The following NECAB2 variants were observed in gnomAD, a reference collection of about 807,000 sequenced individuals.
The protein encoded by NECAB2 is N-terminal EF-hand calcium binding protein 2, also known as N-terminal EF-hand calcium-binding protein 2.
In NECAB2, 68 loss-of-function variants were observed where a neutral mutation model predicts 51.9. The ratio of observed to expected loss-of-function variants is 1.31; its 90% confidence interval spans 1.08 to 1.60. The LOEUF is 1.60. Among genes scored for constraint, NECAB2 ranks in the 40% most tolerant of loss-of-function variants. The probability of loss-of-function intolerance (pLI) is 0.00; values close to 1 mark genes in which losing one functional copy is unlikely to be tolerated. For synonymous variants in NECAB2, 329 were observed against 203.5 expected (o/e 1.62, Z -5.25); for missense variants, 854 against 490.3 (o/e 1.74, Z -7.00).
chr16:83,988,816 C>G (rs1244747416), intron 5 of NECAB2, among the ~76,000 whole-genome samples: 2 of 139,696 alleles, frequency 1.4e-5, no homozygotes, highest in African/African-American at 6.7e-5. Context: ...GGTCTCTTGT[C>G]TGAGGCAAGC....
intron 11 of NECAB2, among the ~76,000 whole-genome samples, chr16:84,001,390 G>C (rs148784933): frequency 1.2e-4 from 18 of 152,248 alleles, no homozygotes; most frequent in Admixed American, 3.3e-4. Flanking sequence ...CTCACGGTTT[G>C]CTGACAAACT....
intron 10 of NECAB2, among the ~76,000 whole-genome samples, chr16:83,998,920 G>A (rs1261943496): frequency 2.0e-5 from 3 of 152,238 alleles, no homozygotes; most frequent in Admixed American, 2.0e-4. Flanking sequence ...GCCAGGGCCA[G>A]AGTGGAGGGG....
intron 3 of NECAB2, 126 bp downstream of exon 3, chr16:83,978,678 A>T: frequency 2.6e-6 from 2 of 764,050 alleles, no homozygotes; most frequent in Non-Finnish European, 4.3e-6. Flanking sequence ...CAAATTTGCT[A>T]ATCCAGAAGT....
intron 1 of NECAB2, among the ~76,000 whole-genome samples, 158 bp downstream of exon 1, chr16:83,969,007 C>A (rs1198156392): frequency 6.6e-6 from 1 of 151,352 alleles, no homozygotes; most frequent in East Asian, 2.0e-4. Flanking sequence ...GAGCCCCCAG[C>A]CCCGCCACGT....
chr16:84,002,277 C>G (rs767067315), intron 12 of NECAB2, 41 bp from the exon 13 acceptor site: 2 of 1,611,588 alleles, frequency 1.2e-6, no homozygotes, highest in African/African-American at 2.7e-5. Context: ...AGGCTGCCCA[C>G]ATTCGCACTC....
In NECAB2 at chr16:83,994,290, T is replaced by A. The variant is rs373515276; in HGVS notation, c.597-12T>A. On this transcript the variant is annotated splice_polypyrimidine_tract_variant and intron_variant, in intron 6 of 12. Transcript: ENST00000305202. ...CCGCCATGGTCTGTGTGTGTTCCCA[T>A]CCAAACTGCAGACAGAACCACATCA... is the stretch of plus-strand genomic sequence containing the variant. 2 of 1,613,692 alleles carry A rather than the reference T, an allele frequency of 1.2e-6. No individual in the cohort carries two copies. Among genetic ancestry groups the A allele is most frequent in the African/African-American group, 2.7e-5 (2 of 74,870 alleles).
intron 5 of NECAB2, among the ~76,000 whole-genome samples, chr16:83,989,406 C>G (rs1201498453): frequency 2.0e-5 from 3 of 152,226 alleles, no homozygotes; most frequent in Non-Finnish European, 4.4e-5. Flanking sequence ...GTTTCTCAGT[C>G]TGTCTGTCAG....
chr16:83,999,371 G>A (rs144784853), intron 10 of NECAB2, among the ~76,000 whole-genome samples: 3 of 152,220 alleles, frequency 2.0e-5, no homozygotes, highest in African/African-American at 7.2e-5. Flanking sequence ...GCTCCAGGGT[G>A]AAGTAGGGCC....
upstream of NECAB2, chr16:83,965,750 C>G (rs759567035): frequency 1.2e-6 from 2 of 1,613,386 alleles, no homozygotes; most frequent in Admixed American, 3.3e-5. Flanking sequence ...CTCCCTGGTG[C>G]TGGTCCTCAT....
intron 8 of NECAB2, among the ~76,000 whole-genome samples, chr16:83,996,755 C>A (rs1294221274): frequency 6.6e-6 from 1 of 152,126 alleles, no homozygotes; most frequent in African/African-American, 2.4e-5. Context: ...AGATGTGGTT[C>A]CTGGAGACCG....
At position 83,980,932 on chromosome 16, in the gene NECAB2, G is replaced by A. The variant is rs2084479241; in HGVS notation, c.361+68G>A. 4 of 1,610,520 alleles carry A rather than the reference G, an allele frequency of 2.5e-6. No individual in the cohort carries two copies. The Admixed American group carries it at 6.7e-5, about 27-fold the overall frequency. On this transcript the variant is annotated intron_variant, in intron 4 of 12. Coordinates refer to ENST00000305202, the MANE Select transcript of NECAB2 (RefSeq NM_019065.3). The stretch of plus-strand genomic sequence containing the variant: ...ATGGGGCTGGATGAGAAGGGCCTGA[G>A]GCAGGGGAGGCTGGAGGTAGCGCAG...
At chr16:83,996,538 A>T (rs1236973085) in intron 8 of NECAB2, among the ~76,000 whole-genome samples, 1 of 152,074 alleles carries the variant, frequency 6.6e-6, no homozygotes, top group Non-Finnish European at 1.5e-5. Flanking sequence ...AGAGATAGCC[A>T]CAGAGGTGGT....
At position 84,000,814 on chromosome 16, in the gene NECAB2, G is replaced by A; in HGVS notation, c.1040+13G>A. On this transcript the variant is annotated intron_variant, in intron 11 of 12. Coordinates refer to ENST00000305202, the MANE Select transcript of NECAB2 (RefSeq NM_019065.3). ...AGGCGTGGAAGAGGTGAGATGCTGG[G>A]TCCCCACAGCAGGTGAGGGAGACAG... 1 of 1,613,044 alleles carries A rather than the reference G, an allele frequency of 6.2e-7. No homozygotes were observed. Among genetic ancestry groups the A allele is most frequent in the Non-Finnish European group, 8.5e-7 (1 of 1,179,598 alleles).
intron 10 of NECAB2, among the ~76,000 whole-genome samples, chr16:83,999,037 C>T (rs892419433): frequency 1.3e-5 from 2 of 152,166 alleles, no homozygotes; most frequent in Non-Finnish European, 2.9e-5. Context: ...CTTCCATCCC[C>T]AGAGCACACA....
chr16:83,981,800 C>G lies in NECAB2; in HGVS notation c.459+673C>G, dbSNP rs528239251. Among the ~76,000 whole-genome samples the G allele has an allele frequency of 1.4e-4, 21 of 152,248 alleles. No homozygotes were observed. The South Asian group carries it at 3.1e-3, about 23-fold the overall frequency. The stretch of plus-strand genomic sequence containing the variant: ...GAGCAGAGAGCAGCCATAGGGCACA[C>G]TGGTCCAGGCCCACGGTGAGGGAAC... On this transcript the variant is annotated intron_variant, in intron 5 of 12. Coordinates refer to ENST00000305202, the MANE Select transcript of NECAB2 (RefSeq NM_019065.3).
chr16:84,001,545 C>CCTCCTGCTAGGGTAAAGGGGGAGG (rs2084836228), intron 11 of NECAB2, among the ~76,000 whole-genome samples: 1 of 152,092 alleles, frequency 6.6e-6, no homozygotes, highest in African/African-American at 2.4e-5. Flanking sequence ...TGGCCCCACT[C>CCTCCTGCTAGGGTAAAGGGGGAGG]CTCCTGCTAG....
Position 83,994,422 on chromosome 16 carries a change from T to C in NECAB2, c.715+2T>C. On this transcript the variant is annotated splice_donor_variant, in intron 7 of 12. Coordinates refer to ENST00000305202, the MANE Select transcript of NECAB2 (RefSeq NM_019065.3). LOFTEE classifies it high-confidence loss of function. ...AACAAGGCAAGACCCTTCCATCTGG[T>C]GAGAGAAAGCGGGGGCCCTGGTGGG... is the stretch of plus-strand genomic sequence containing the variant. 1.2e-6 allele frequency: 2 copies of C among 1,613,866 alleles called. No individual in the cohort carries two copies. Among genetic ancestry groups the C allele is most frequent in the Non-Finnish European group, 1.7e-6 (2 of 1,179,822 alleles).
At chr16:83,983,918 A>T (rs1252560341) in intron 5 of NECAB2, among the ~76,000 whole-genome samples, 1 of 151,914 alleles carries the variant, frequency 6.6e-6, no homozygotes, top group East Asian at 1.9e-4. Context: ...GATGATTTTC[A>T]TAGTTATTTT....
rs142971422 is a variant in NECAB2, at chr16:84,002,295, C to T, written c.1133-23C>T. The T allele has an allele frequency of 3.4e-4, 548 of 1,613,712 alleles. No homozygotes were observed. The African/African-American group carries it at 6.6e-3, about 20-fold the overall frequency. On this transcript the variant is annotated intron_variant, in intron 12 of 12. Transcript: ENST00000305202. ...CTGCCCACATTCGCACTCCTTCCCTCTAACGTGTCTCTCTCCTTTTAGCTG... is the reference window on the plus strand; with the variant it reads ...CTGCCCACATTCGCACTCCTTCCCTTTAACGTGTCTCTCTCCTTTTAGCTG...
Sources: allele counts gnomAD v4.1 joint callset (sites outside exome capture counted in the v4.1 genomes callset), GRCh38; gene constraint gnomAD v4.1.1; transcripts MANE v1.5; gene names NCBI Gene and HGNC (gene_info 2026-07-23, HGNC 2026-07-21).